Variants in ZC4H2 observed in about 807,000 individuals in gnomAD.
ZC4H2 encodes zinc finger C4H2 domain-containing protein.
For synonymous variants in ZC4H2, 84 were observed against 66.3 expected (o/e 1.27, Z -1.30); for missense variants, 137 against 173.9 (o/e 0.79, Z 1.19).
chrX:65,004,627 A>G (rs1932618798), intron 1 of ZC4H2, among the ~76,000 whole-genome samples: 1 of 112,132 alleles, frequency 8.9e-6, no homozygotes, highest in Admixed American at 9.5e-5. Flanking sequence ...CCAATATTGT[A>G]CTATATGGGC....
rs1409066036 is a variant in ZC4H2 at position 64,916,952 on chromosome X, C to T, written c.*831G>A. The T allele has an allele frequency of 3.6e-5, 4 of 112,342 alleles. No homozygotes were observed. The highest frequency in any genetic ancestry group is 7.5e-5 in the Non-Finnish European group (4 of 53,260). 9.3% of individuals were successfully genotyped at this position (112,342 alleles called of 1,213,427 possible). ...AGTAATGGTTCTGAACAAAAGCCAA[C>T]ACAGATGTCAGCCTGGGGGCACTCT... On this transcript the variant is annotated 3_prime_UTR_variant, in exon 5 of 5. Coordinates refer to ENST00000374839, the MANE Select transcript of ZC4H2 (RefSeq NM_018684.4).
chrX:64,975,558 C>A (rs1034574422), intron 1 of ZC4H2, among the ~76,000 whole-genome samples: 3 of 111,662 alleles, frequency 2.7e-5, no homozygotes, highest in Admixed American at 9.4e-5. Context: ...CCAGCCCACA[C>A]AGCCCGCCTG....
intron 1 of ZC4H2, among the ~76,000 whole-genome samples, chrX:64,971,008 C>A (rs746817447): frequency 8.9e-6 from 1 of 112,109 alleles, no homozygotes; most frequent in East Asian, 2.8e-4. Flanking sequence ...ACAATACACA[C>A]ATACACATAT....
At chrX:64,960,248 A>G (rs866778927) in intron 1 of ZC4H2, among the ~76,000 whole-genome samples, 41 of 111,093 alleles carry the variant, frequency 3.7e-4, no homozygotes, top group Middle Eastern at 4.7e-3. Context: ...AATTTTTCAG[A>G]AAAGAGTTTT....
intron 1 of ZC4H2, among the ~76,000 whole-genome samples, chrX:64,988,733 C>A (rs1932246164): frequency 9.0e-6 from 1 of 111,217 alleles, no homozygotes; most frequent in Non-Finnish European, 1.9e-5. Flanking sequence ...TTAACTAGAT[C>A]CCATCTGTCA....
intron 1 of ZC4H2, among the ~76,000 whole-genome samples, chrX:64,974,547 C>T (rs1465447925): frequency 8.9e-6 from 1 of 111,994 alleles, no homozygotes; most frequent in Non-Finnish European, 1.9e-5. Flanking sequence ...TCCTCTACCA[C>T]TCTCTTGGAT....
Position 64,950,390 on chromosome X carries a change from T to A in ZC4H2, c.53+25935A>T, listed in dbSNP as rs1602410321. Reference sequence around the variant, plus strand: ...TGCTCGGTGCAGAGATGAGTTCAATTCCTGGATATCCTTTTTAACTTTCTG... The same window carrying A: ...TGCTCGGTGCAGAGATGAGTTCAATACCTGGATATCCTTTTTAACTTTCTG... On this transcript the variant is annotated intron_variant, in intron 1 of 4. Transcript: ENST00000374839. Among the ~76,000 whole-genome samples, 4 of 111,464 alleles carry A rather than the reference T, an allele frequency of 3.6e-5. No homozygotes were observed. The South Asian group carries it at 1.5e-3, about 42-fold the overall frequency.
At chrX:64,981,735 C>T in intron 1 of ZC4H2, among the ~76,000 whole-genome samples, 1 of 110,982 alleles carries the variant, frequency 9.0e-6, no homozygotes, top group Non-Finnish European at 1.9e-5. Flanking sequence ...TCTCATTCTT[C>T]ACACTCTCTC....
rs375577406 is a variant in ZC4H2, at chrX:64,922,273, GA to G, written c.54-286del. On this transcript the variant is annotated intron_variant, in intron 1 of 4. Transcript: ENST00000374839. ...AAAAAAAAAAAAGAAAAAGAAAAAA[GA>G]AAAAAAAAAGAAAAAGAAAAAGAAA... 0.058 allele frequency: 11,318 copies of G among 195,864 alleles called. 1,552 individuals carry two copies. The highest frequency in any genetic ancestry group is 0.37 in the African/African-American group (10,041 of 27,300). 16.1% of individuals were successfully genotyped at this position (195,864 alleles called of 1,213,427 possible). A position where few individuals can be genotyped will look rare whatever the true frequency, so the allele number is the denominator to read the frequency against.
chrX:64,928,752 CTTCTT>C (rs1436342210), intron 1 of ZC4H2, among the ~76,000 whole-genome samples: 3 of 98,732 alleles, frequency 3.0e-5, no homozygotes, highest in South Asian at 1.1e-3. Context: ...TCTCCTTCTT[CTTCTT>C]TTCTTCTTCT....
chrX:64,988,808 C>T (rs2147271890), intron 1 of ZC4H2, among the ~76,000 whole-genome samples: 1 of 110,941 alleles, frequency 9.0e-6, no homozygotes, highest in East Asian at 2.8e-4. Flanking sequence ...ATGCCTATGT[C>T]CTGAATGGTA....
rs754603548 is a variant in ZC4H2, at chrX:64,967,425, A to G, written c.53+8900T>C. ...GCAGACTTAAAAATTGTATTAAGCA[A>G]GCACCATTTATCCAGAAGTGCGCTG... On this transcript the variant is annotated intron_variant, in intron 1 of 4. Coordinates refer to ENST00000374839, the MANE Select transcript of ZC4H2 (RefSeq NM_018684.4). 1.4e-4 allele frequency among the ~76,000 whole-genome samples: 16 copies of G among 112,414 alleles called. No individual in the cohort carries two copies. In the South Asian group the frequency reaches 5.6e-3, roughly 39 times the overall value.
At chrX:64,975,819 G>A (rs1267627302) in intron 1 of ZC4H2, among the ~76,000 whole-genome samples, 3 of 110,863 alleles carry the variant, frequency 2.7e-5, no homozygotes, top group Admixed American at 9.6e-5. Flanking sequence ...AGGAAAACGA[G>A]CGCGCGCCAT....
At chrX:64,929,885 C>T (rs905352045) in intron 1 of ZC4H2, among the ~76,000 whole-genome samples, 1 of 110,994 alleles carries the variant, frequency 9.0e-6, no homozygotes, top group Non-Finnish European at 1.9e-5. Context: ...TTTTAGATTG[C>T]TTTTTTCTTG....
At chrX:65,019,595 G>C (rs920438529) in intron 1 of ZC4H2, among the ~76,000 whole-genome samples, 3 of 112,220 alleles carry the variant, frequency 2.7e-5, no homozygotes, top group African/African-American at 9.7e-5. Context: ...GTGCAAAAAG[G>C]CTAAAAATTC....
chrX:65,005,315 A>G (rs1396617074), intron 1 of ZC4H2, among the ~76,000 whole-genome samples: 1 of 111,467 alleles, frequency 9.0e-6, no homozygotes, highest in Non-Finnish European at 1.9e-5. Flanking sequence ...GCATCACGCT[A>G]CCTGACTTCA....
chrX:64,996,124 A>G (rs1932408953), intron 1 of ZC4H2, among the ~76,000 whole-genome samples: 1 of 111,946 alleles, frequency 8.9e-6, no homozygotes, highest in East Asian at 2.8e-4. Flanking sequence ...TCAAAGGCTA[A>G]GATCAGGCTA....
intron 1 of ZC4H2, among the ~76,000 whole-genome samples, chrX:64,937,836 G>T (rs1930087378): frequency 9.0e-6 from 1 of 111,643 alleles, no homozygotes; most frequent in African/African-American, 3.3e-5. Flanking sequence ...AAGCAGAAAA[G>T]ATCTAAAATT....
chrX:65,032,462 G>C (rs1220159157), intron 1 of ZC4H2, among the ~76,000 whole-genome samples: 1 of 111,757 alleles, frequency 8.9e-6, no homozygotes, highest in Non-Finnish European at 1.9e-5. Flanking sequence ...CCATACGGAA[G>C]GAAAGGTATG....
Sources: gnomAD v4.1 joint callset for allele counts (sites outside exome capture counted in the v4.1 genomes callset) on GRCh38, gnomAD v4.1.1 for gene constraint, MANE v1.5 for transcripts, NCBI Gene and HGNC (gene_info 2026-07-23, HGNC 2026-07-21) for gene names.